PGM3: variants seen among roughly 807,000 people sequenced by gnomAD.
PGM3 encodes the protein phosphoacetylglucosamine mutase.
A neutral mutation model predicts 66.2 loss-of-function variants in PGM3; 40 were observed. The ratio of observed to expected loss-of-function variants is 0.60; its 90% confidence interval spans 0.47 to 0.79. The LOEUF (loss-of-function observed/expected upper bound fraction) is 0.79, where lower values mean the gene tolerates loss of function less well. PGM3 is among the 30% of genes least tolerant of loss of function. PGM3 has a pLI of 0.00. For missense variants in PGM3, 537 were observed against 643.4 expected (o/e 0.83, Z 1.79); for synonymous variants, 191 against 224.2 (o/e 0.85, Z 1.32).
At chr6:83,176,909 C>G (rs1787813244) in intron 8 of PGM3, among the ~76,000 whole-genome samples, 1 of 152,178 alleles carries the variant, frequency 6.6e-6, no homozygotes, top group African/African-American at 2.4e-5. Context: ...AACCCAATCC[C>G]TGTGAAAGGC....
chr6:83,181,606 T>G, intron 6 of PGM3, 130 bp downstream of exon 6: 1 of 629,310 alleles, frequency 1.6e-6, no homozygotes, highest in Non-Finnish European at 2.8e-6. Flanking sequence ...GGAAGACTTC[T>G]CAATGTCTAA....
chr6:83,163,507 T>C (rs117719545), downstream of PGM3, among the ~76,000 whole-genome samples: 378 of 152,316 alleles, frequency 2.5e-3, 1 homozygote, highest in Non-Finnish European at 2.7e-3. Flanking sequence ...AAATAATCAT[T>C]AGCATTCATT....
chr6:83,153,632 ATTTAAATAGTTT>A, the PGM3 span: 71 of 1,544,634 alleles, frequency 4.6e-5, no homozygotes, highest in East Asian at 1.5e-3. Context: ...TACTATCATT[ATTTAAATAGTTT>A]TTAAAATTAA....
At position 83,168,553 on chromosome 6, in the gene PGM3, G is replaced by A; in HGVS notation, c.*681C>T. On this transcript the variant is annotated 3_prime_UTR_variant, in exon 13 of 13. Transcript: ENST00000513973. ...ATTAACCATGTTCTGGTATCAGAAT[G>A]GTGTTCCTTCTCCATCAGAGGCTGG... 1.0e-6 allele frequency: 1 copy of A among 1,000,278 alleles called. No homozygotes were observed. Among genetic ancestry groups the A allele is most frequent in the Non-Finnish European group, 1.2e-6 (1 of 839,546 alleles). The allele number at this position is 1,000,278 out of a possible 1,614,324, so 62.0% of individuals were successfully genotyped here.
chr6:83,175,911 C>T (rs1562417158), intron 9 of PGM3, 51 bp downstream of exon 9: 1 of 904,614 alleles, frequency 1.1e-6, no homozygotes, highest in Admixed American at 1.7e-5. Context: ...ATAGAAGTCT[C>T]ATCATAAAGA....
At chr6:83,179,666 T>C (rs180926517) in intron 7 of PGM3, 144 bp downstream of exon 7, 166 of 581,896 alleles carry the variant, frequency 2.9e-4, no homozygotes, top group African/African-American at 2.5e-3. Flanking sequence ...TGACTGGGTA[T>C]TACCACTGCT....
At chr6:83,191,889 G>A (rs888733314) in intron 1 of PGM3, among the ~76,000 whole-genome samples, 2 of 148,740 alleles carry the variant, frequency 1.3e-5, no homozygotes, top group African/African-American at 2.5e-5. Flanking sequence ...TACTCGGGAG[G>A]CAGAGGTTGC....
chr6:83,191,134 C>G, intron 1 of PGM3, 120 bp from the exon 2 acceptor site: 1 of 1,472,456 alleles, frequency 6.8e-7, no homozygotes, highest in Non-Finnish European at 9.2e-7. Flanking sequence ...TCAAAGAACC[C>G]TATGTTTGAC....
chr6:83,173,734 C>CAGTT (rs1332746283), intron 10 of PGM3, among the ~76,000 whole-genome samples: 1 of 151,996 alleles, frequency 6.6e-6, no homozygotes, highest in Non-Finnish European at 1.5e-5. Context: ...ATGAGACAAC[C>CAGTT]AGTTATTTGT....
Position 83,167,715 on chromosome 6 carries a change from A to G in PGM3, c.*1519T>C. 1 of 1,406,506 alleles carries G rather than the reference A, an allele frequency of 7.1e-7. No homozygotes were observed. The highest frequency in any genetic ancestry group is 9.2e-7 in the Non-Finnish European group (1 of 1,082,328). 87.1% of individuals were successfully genotyped at this position (1,406,506 alleles called of 1,614,324 possible). A position where few individuals can be genotyped will look rare whatever the true frequency, so the allele number is the denominator to read the frequency against. ...GGCAGTAAAAGGTCTCAGAAGCACC[A>G]AGGGTTTTGATCAGGTCAGGAGTTA... On this transcript the variant is annotated 3_prime_UTR_variant, in exon 13 of 13. Transcript: ENST00000513973.
intron 4 of PGM3, among the ~76,000 whole-genome samples, chr6:83,185,854 A>G (rs1788542806): frequency 6.6e-6 from 1 of 152,190 alleles, no homozygotes. Flanking sequence ...GAAATCATGC[A>G]GAATGAAAGA....
intron 3 of PGM3, 147 bp downstream of exon 3, chr6:83,188,467 A>C: frequency 1.6e-6 from 1 of 625,050 alleles, no homozygotes; most frequent in Non-Finnish European, 2.8e-6. Context: ...TAGCTACTAC[A>C]TCCTACTAGA....
intron 10 of PGM3, among the ~76,000 whole-genome samples, chr6:83,172,443 A>G (rs1486140761): frequency 1.3e-5 from 2 of 151,568 alleles, no homozygotes; most frequent in Admixed American, 1.3e-4. Flanking sequence ...TCCTGACCTC[A>G]CTGTCAGGAA....
rs936168269 is a variant in PGM3, at chr6:83,166,753, G to A, written c.*2481C>T. 3.6e-6 allele frequency: 4 copies of A among 1,111,530 alleles called. No homozygotes were observed. Among genetic ancestry groups the A allele is most frequent in the Non-Finnish European group, 3.3e-6 (3 of 912,578 alleles). 68.9% of individuals were successfully genotyped at this position (1,111,530 alleles called of 1,614,324 possible). On this transcript the variant is annotated 3_prime_UTR_variant, in exon 13 of 13. Coordinates refer to ENST00000513973, the MANE Select transcript of PGM3 (RefSeq NM_015599.3). ...CTTGAGAGCACATAGAAGAAAATAA[G>A]CTGGATTTTGCATCTGCTTGACCCA...
chr6:83,150,965 C>T, the PGM3 span, among the ~76,000 whole-genome samples: 3 of 152,176 alleles, frequency 2.0e-5, no homozygotes, highest in Non-Finnish European at 4.4e-5. Flanking sequence ...CTCCCAATTA[C>T]TATTCTTTTA....
chr6:83,170,462 A>G lies in PGM3; in HGVS notation c.1382T>C (p.Val461Ala), dbSNP rs774322781. 6.2e-7 allele frequency: 1 copy of G among 1,613,880 alleles called. No individual in the cohort carries two copies. The highest frequency in any genetic ancestry group is 1.3e-5 in the African/African-American group (1 of 74,994). The stretch of plus-strand genomic sequence containing the variant: ...TCTTTCAGCATCGGTAGTGCTAATA[A>G]CTCTCCTGTCTGCAACCTAAGTGCA... Reference protein sequence around the residue: ...QLKVQVADRRVISTTDAERQA... With the variant: ...QLKVQVADRRAISTTDAERQA... Residue 461 changes from valine (V) to alanine (A), a missense_variant, in exon 12 of 13, where the codon GTT (valine) becomes GCT (alanine). Coordinates refer to ENST00000513973, the MANE Select transcript of PGM3 (RefSeq NM_015599.3).
In PGM3 at chr6:83,182,904, C is replaced by T. The variant is rs1041974128; in HGVS notation, c.532G>A (p.Ala178Thr). The T allele has an allele frequency of 6.2e-7, 1 of 1,614,032 alleles. No individual in the cohort carries two copies. ...CRNTGGRYGK[A>T]TIEGYYQKLS... ...TTCTGGTAGTAACCTTCTATAGTTG[C>T]CTTTCCATATCGGCCACCCGTGTTT... Residue 178 changes from alanine (A) to threonine (T), a missense_variant, in exon 5 of 13, where the codon GCA becomes ACA. Coordinates refer to ENST00000513973, the MANE Select transcript of PGM3 (RefSeq NM_015599.3).
intron 11 of PGM3, 70 bp from the exon 12 acceptor site, chr6:83,170,548 C>T: frequency 8.1e-7 from 1 of 1,230,236 alleles, no homozygotes; most frequent in African/African-American, 1.5e-5. Flanking sequence ...GTTAAACATA[C>T]ATTCTACGAA....
At chr6:83,180,687 T>C (rs1416659949) in intron 6 of PGM3, among the ~76,000 whole-genome samples, 1 of 152,198 alleles carries the variant, frequency 6.6e-6, no homozygotes, top group South Asian at 2.1e-4. Flanking sequence ...GCCTAGAGCA[T>C]AGAGAGTAAG....
Sources: gnomAD v4.1 joint callset for allele counts (sites outside exome capture counted in the v4.1 genomes callset) on GRCh38, gnomAD v4.1.1 for gene constraint, MANE v1.5 for transcripts, NCBI Gene and HGNC (gene_info 2026-07-23, HGNC 2026-07-21) for gene names.